CCT4: variants seen among roughly 807,000 people sequenced by gnomAD.
CCT4 encodes the protein chaperonin containing TCP1 subunit 4, also known as T-complex protein 1 subunit delta.
In CCT4, 17 loss-of-function variants were observed where a neutral mutation model predicts 62.5. The observed-to-expected ratio is 0.27, with a 90% confidence interval of 0.19 to 0.41. CCT4 has a LOEUF of 0.41. Among genes scored for constraint, CCT4 ranks in the 10% least tolerant of loss-of-function variants. The pLI is 1.00. For synonymous variants in CCT4, 250 were observed against 229.9 expected, an observed-to-expected ratio of 1.09 and a Z score of -0.79; for missense variants, 592 against 659.2, an observed-to-expected ratio of 0.90 and a Z score of 1.12.
Position 61,872,223 on chromosome 2 carries a change from G to A in CCT4, c.1350C>T (p.Cys450=), listed in dbSNP as rs778508965. 12 of 1,613,434 alleles carry A rather than the reference G, an allele frequency of 7.4e-6. No individual in the cohort carries two copies. Among genetic ancestry groups the A allele is most frequent in the Admixed American group, 1.7e-5 (1 of 59,984 alleles). Residue 450 remains cysteine (C), a synonymous_variant, in exon 12 of 14, where the codon TGC becomes TGT. Coordinates refer to ENST00000394440, the MANE Select transcript of CCT4 (RefSeq NM_006430.4). ...SRTLSGMESY[C]VRAFADAMEV... is the part of the protein sequence containing the mutation. ...CCATAGCATCTGCAAAAGCACGAAC[G>A]CAGTAGGATTCCATACCACTCAGTG...
At chr2:61,873,422 T>TA in intron 8 of CCT4, 129 bp from the exon 9 acceptor site, 1 of 588,096 alleles carries the variant, frequency 1.7e-6, no homozygotes, top group South Asian at 2.2e-5. Flanking sequence ...TGCTTTAGTT[T>TA]ACTAAGTTCG....
At chr2:61,877,087 G>T in intron 6 of CCT4, 35 bp from the exon 7 acceptor site, 1 of 1,589,078 alleles carries the variant, frequency 6.3e-7, no homozygotes, top group Non-Finnish European at 8.6e-7. Context: ...GGGTAGTTAA[G>T]AGGGAGTGGA....
At chr2:61,885,289 T>C (rs1461019966) in intron 1 of CCT4, among the ~76,000 whole-genome samples, 1 of 152,118 alleles carries the variant, frequency 6.6e-6, no homozygotes, top group Non-Finnish European at 1.5e-5. Context: ...TATTAGGATA[T>C]AGTGCATAAC....
At chr2:61,888,285 C>A (rs780629250) in intron 1 of CCT4, 96 bp downstream of exon 1, 140 of 1,421,768 alleles carry the variant, frequency 9.8e-5, no homozygotes, top group Admixed American at 4.2e-4. Context: ...GAGGATCACC[C>A]GAAGAAATGG....
chr2:61,873,786 G>A (rs977651011), intron 8 of CCT4, among the ~76,000 whole-genome samples: 1 of 152,060 alleles, frequency 6.6e-6, no homozygotes, highest in Non-Finnish European at 1.5e-5. Flanking sequence ...CGCTGGTCTC[G>A]AACTCCTGAC....
chr2:61,883,999 G>A (rs1572926186), intron 2 of CCT4, among the ~76,000 whole-genome samples: 2 of 152,156 alleles, frequency 1.3e-5, no homozygotes, highest in South Asian at 4.2e-4. Context: ...GCATTTTTGG[G>A]AAAGATAGAT....
chr2:61,883,557 A>G lies in CCT4; in HGVS notation c.181-9T>C, dbSNP rs751373727. 2 of 1,449,392 alleles carry G rather than the reference A, an allele frequency of 1.4e-6. No homozygotes were observed. Among genetic ancestry groups the G allele is most frequent in the South Asian group, 2.4e-5 (2 of 81,828 alleles). The allele number at this position is 1,449,392 out of a possible 1,614,324, so 89.8% of individuals were successfully genotyped here. A position where few individuals can be genotyped will look rare whatever the true frequency, so the allele number is the denominator to read the frequency against. ...CCTTTTCCATCTTGAATCTAGAAAA[A>G]AAATTTTAAAGTTATATTTCAATGT... On this transcript the variant is annotated splice_polypyrimidine_tract_variant and intron_variant, in intron 2 of 13. Transcript: ENST00000394440.
At position 61,873,126 on chromosome 2, in the gene CCT4, T is replaced by G; in HGVS notation, c.1015-14A>C. 6.5e-7 allele frequency: 1 copy of G among 1,540,170 alleles called. No homozygotes were observed. The highest frequency in any genetic ancestry group is 9.0e-7 in the Non-Finnish European group (1 of 1,112,786). Reference sequence around the variant, plus strand: ...GGTTCCAATTGTCTGGAAAAAACAGTCAAATCCACAAATTAAGACATTTAT... The same window carrying G: ...GGTTCCAATTGTCTGGAAAAAACAGGCAAATCCACAAATTAAGACATTTAT... On this transcript the variant is annotated splice_polypyrimidine_tract_variant and intron_variant, in intron 9 of 13. Transcript: ENST00000394440.
At chr2:61,882,601 T>C (rs1669143337) in intron 3 of CCT4, among the ~76,000 whole-genome samples, 1 of 151,962 alleles carries the variant, frequency 6.6e-6, no homozygotes, top group Non-Finnish European at 1.5e-5. Context: ...CTACCTCCCC[T>C]GGACTCAAAC....
At chr2:61,871,596 ATG>A (rs2105125585) in intron 12 of CCT4, among the ~76,000 whole-genome samples, 1 of 152,252 alleles carries the variant, frequency 6.6e-6, no homozygotes, top group East Asian at 1.9e-4. Context: ...CTTTCCCATC[ATG>A]TGTTTAATTT....
Position 61,877,493 on chromosome 2 carries a change from G to T in CCT4, c.544C>A (p.Leu182Met). 2 of 1,593,028 alleles carry T rather than the reference G, an allele frequency of 1.3e-6. No individual in the cohort carries two copies. Among genetic ancestry groups the T allele is most frequent in the Middle Eastern group, 1.7e-4 (1 of 5,986 alleles). The change falls in exon 6 of 14, where the codon CTG becomes ATG. Residue 182 changes from leucine (L) to methionine (M), a missense_variant. Coordinates refer to ENST00000394440, the MANE Select transcript of CCT4 (RefSeq NM_006430.4). ...NSKVVSQYSS[L>M]LSPMSVNAVM... ...GCATTTACACTCATTGGAGAAAGCA[G>T]ACTTGAATACTGAGAAACCACCTAG...
rs574140672 is a variant in CCT4 at position 61,884,550 on chromosome 2, C to A, written c.180+470G>T. 5.3e-5 allele frequency among the ~76,000 whole-genome samples: 8 copies of A among 151,822 alleles called. No individual in the cohort carries two copies. The East Asian group carries it at 7.8e-4, about 15-fold the overall frequency. ...GGTCTTGAACTCTTGACCTTGTGAT[C>A]CACCCGTCTCGGCCTCCCAAAGTGC... On this transcript the variant is annotated intron_variant, in intron 2 of 13. Transcript: ENST00000394440.
chr2:61,879,023 G>C lies in CCT4; in HGVS notation c.380-12C>G, dbSNP rs148601006. The C allele has an allele frequency of 7.4e-3, 11,725 of 1,580,988 alleles. 64 individuals carry two copies. The highest frequency in any genetic ancestry group is 0.011 in the Middle Eastern group (68 of 5,928). On this transcript the variant is annotated splice_polypyrimidine_tract_variant and intron_variant, in intron 4 of 13. Transcript: ENST00000394440. The stretch of plus-strand genomic sequence containing the variant: ...GGTTGGATGAATCCCTGTAATTTGT[G>C]AAAGTCTAGTTATTTAATTGTAACA...
Position 61,880,312 on chromosome 2 carries a change from T to C in CCT4, c.353A>G (p.Asp118Gly). 6.3e-7 allele frequency: 1 copy of C among 1,599,636 alleles called. No homozygotes were observed. Among genetic ancestry groups the C allele is most frequent in the Non-Finnish European group, 8.5e-7 (1 of 1,173,032 alleles). Reference sequence around the variant, plus strand: ...TTTCTGAAGAAGCTTGGTACAAGAATCTAAGAGGGAGCCAGCAATGATGAC... The same window carrying C: ...TTTCTGAAGAAGCTTGGTACAAGAACCTAAGAGGGAGCCAGCAATGATGAC... ...SVVIIAGSLL[D>G]SCTKLLQKGI... Residue 118 changes from aspartate (D) to glycine (G), a missense_variant, in exon 4 of 14, where the codon GAT becomes GGT. Coordinates refer to ENST00000394440, the MANE Select transcript of CCT4 (RefSeq NM_006430.4).
chr2:61,869,514 G>A lies in CCT4; in HGVS notation c.1531C>T (p.Pro511Ser), dbSNP rs1397580982. Residue 511 changes from proline (P) to serine (S), a missense_variant, in exon 13 of 14, where the codon CCT becomes TCT. Pro to Ser is a moderately conservative substitution (Grantham distance 74). Around this residue, in one of 3 missense-constraint regions of CCT4, gnomAD observed 522 missense variants for 571.2 expected, o/e 0.91. Transcript: ENST00000394440. ...AGAGCACTGACTGATACCAACAGAGGCTGGACAACCAGTTCCTCCAAAATG... is the reference window on the plus strand; with the variant it reads ...AGAGCACTGACTGATACCAACAGAGACTGGACAACCAGTTCCTCCAAAATG... ...SNILEELVVQ[P>S]LLVSVSALTL... The A allele has an allele frequency of 5.6e-6, 9 of 1,611,758 alleles. No individual in the cohort carries two copies. The highest frequency in any genetic ancestry group is 6.8e-6 in the Non-Finnish European group (8 of 1,177,996).
chr2:61,886,974 G>C (rs758099169), intron 1 of CCT4, among the ~76,000 whole-genome samples: 1 of 152,038 alleles, frequency 6.6e-6, no homozygotes, highest in Non-Finnish European at 1.5e-5. Context: ...GGTCAGGCTG[G>C]TCTTGAACTC....
At chr2:61,885,409 GTATTAT>G (rs201726440) in intron 1 of CCT4, among the ~76,000 whole-genome samples, 7 of 152,060 alleles carry the variant, frequency 4.6e-5, no homozygotes, top group South Asian at 4.2e-4. Flanking sequence ...AACGTACACA[GTATTAT>G]TATTATTATT....
At chr2:61,886,525 T>C (rs1222654964) in intron 1 of CCT4, among the ~76,000 whole-genome samples, 1 of 151,904 alleles carries the variant, frequency 6.6e-6, no homozygotes, top group African/African-American at 2.4e-5. Context: ...GTGCGGTGGC[T>C]CACGCCTGTA....
chr2:61,881,633 GTTGGT>G (rs1477084341), intron 3 of CCT4, among the ~76,000 whole-genome samples: 1 of 152,094 alleles, frequency 6.6e-6, no homozygotes, highest in African/African-American at 2.4e-5. Flanking sequence ...TATACAGTAT[GTTGGT>G]TTATTTCCAA....
Sources: gnomAD v4.1 joint callset for allele counts (sites outside exome capture counted in the v4.1 genomes callset) on GRCh38, gnomAD v4.1.1 for gene constraint, gnomAD v4.1.1 regional missense constraint, MANE v1.5 for transcripts, NCBI Gene and HGNC (gene_info 2026-07-23, HGNC 2026-07-21) for gene names.